Variants in COL25A1 observed in about 807,000 individuals in gnomAD.
COL25A1 encodes collagen type XXV alpha 1 chain, also known as collagen alpha-1(XXV) chain.
COL25A1 carries 103 observed loss-of-function variants against 128.4 expected under a neutral mutation model. The ratio of observed to expected loss-of-function variants is 0.80; its 90% CI spans 0.68 to 0.94. The LOEUF (loss-of-function observed/expected upper bound fraction) is 0.94. Ranked by LOEUF, COL25A1 falls within the 40% of genes least tolerant of loss-of-function variation. The pLI is 0.00. For synonymous variants in COL25A1, 279 were observed against 277.2 expected, an observed-to-expected ratio of 1.01 and a Z score of -0.06; for missense variants, 745 against 840.0, an observed-to-expected ratio of 0.89 and a Z score of 1.40.
chr4:108,965,809 G>A (rs534332405), intron 8 of COL25A1, among the ~76,000 whole-genome samples: 1 of 152,260 alleles, frequency 6.6e-6, no homozygotes, highest in South Asian at 2.1e-4. Context: ...TACTGATAAA[G>A]AAATGAAGTT....
At chr4:108,942,529 C>T (rs1356129422) in intron 8 of COL25A1, among the ~76,000 whole-genome samples, 4 of 151,966 alleles carry the variant, frequency 2.6e-5, no homozygotes, top group Admixed American at 2.6e-4. Context: ...CTGCAACCTC[C>T]ACCTCCCAGG....
intron 15 of COL25A1, among the ~76,000 whole-genome samples, 164 bp from the exon 16 acceptor site, chr4:108,896,875 A>G (rs529828651): frequency 6.6e-6 from 1 of 152,350 alleles, no homozygotes; most frequent in Admixed American, 6.5e-5. Flanking sequence ...TCTGATATCA[A>G]TAAAAGAAAT....
At position 109,048,176 on chromosome 4, in the gene COL25A1, C is replaced by G. The variant is rs761587066; in HGVS notation, c.413-1G>C. The G allele has an allele frequency of 1.9e-6, 3 of 1,612,184 alleles. No homozygotes were observed. Among genetic ancestry groups the G allele is most frequent in the Non-Finnish European group, 2.5e-6 (3 of 1,178,704 alleles). On this transcript the variant is annotated splice_acceptor_variant, in intron 4 of 37. Coordinates refer to ENST00000399132, the MANE Select transcript of COL25A1 (RefSeq NM_198721.4). LOFTEE classifies it high-confidence loss of function. ...GCAGCAAACATACTTACAGGAGGACCTATGGGGGGAGCAGGTGGAGAGAGA... is the reference window on the plus strand; with the variant it reads ...GCAGCAAACATACTTACAGGAGGACGTATGGGGGGAGCAGGTGGAGAGAGA...
chr4:109,193,782 G>T (rs1271709198), intron 3 of COL25A1, among the ~76,000 whole-genome samples: 6 of 152,024 alleles, frequency 3.9e-5, no homozygotes, highest in African/African-American at 1.5e-4. Flanking sequence ...ACACAACATT[G>T]CCAAAAATCA....
chr4:109,029,599 ATG>A lies in COL25A1; in HGVS notation c.420+18567_420+18568del, dbSNP rs567757941. Among the ~76,000 whole-genome samples, 12 of 152,260 alleles carry A rather than the reference ATG, an allele frequency of 7.9e-5. No homozygotes were observed. In the South Asian group the frequency reaches 2.5e-3, roughly 32 times the overall value. On this transcript the variant is annotated intron_variant, in intron 5 of 37. Transcript: ENST00000399132. The stretch of plus-strand genomic sequence containing the variant: ...TATAAGTTAGACTTTATATAGGTGT[ATG>A]TGTGTGGTATATGTGTATACATATT...
At chr4:108,896,811 T>A in intron 15 of COL25A1, 100 bp from the exon 16 acceptor site, 1 of 994,970 alleles carries the variant, frequency 1.0e-6, no homozygotes, top group Non-Finnish European at 1.6e-6. Flanking sequence ...CACTACATAT[T>A]AAAATCTGTT....
chr4:108,988,588 G>A (rs1021346533), intron 6 of COL25A1, among the ~76,000 whole-genome samples: 5 of 152,144 alleles, frequency 3.3e-5, no homozygotes, highest in South Asian at 2.1e-4. Flanking sequence ...CTCAAACACA[G>A]GCATACATTT....
chr4:109,167,900 T>C (rs1773228669), intron 3 of COL25A1, among the ~76,000 whole-genome samples: 1 of 152,166 alleles, frequency 6.6e-6, no homozygotes, highest in African/African-American at 2.4e-5. Context: ...GGCCAATTAA[T>C]GATTTCATGG....
intron 3 of COL25A1, among the ~76,000 whole-genome samples, chr4:109,263,352 A>T (rs892906609): frequency 6.6e-6 from 1 of 152,170 alleles, no homozygotes; most frequent in Non-Finnish European, 1.5e-5. Context: ...TGGCATACTC[A>T]AAAAGCTTCA....
At chr4:109,018,415 G>A (rs1757407104) in intron 5 of COL25A1, among the ~76,000 whole-genome samples, 1 of 152,034 alleles carries the variant, frequency 6.6e-6, no homozygotes, top group Non-Finnish European at 1.5e-5. Flanking sequence ...GTAGAGATGG[G>A]GTTTCACCAT....
chr4:109,157,554 T>C (rs1035704482), intron 3 of COL25A1, among the ~76,000 whole-genome samples: 4 of 152,286 alleles, frequency 2.6e-5, no homozygotes, highest in East Asian at 3.9e-4. Flanking sequence ...AAAAGAAACA[T>C]GGTAATCATC....
intron 6 of COL25A1, among the ~76,000 whole-genome samples, chr4:108,978,212 C>CA (rs1342037844): frequency 3.9e-5 from 6 of 152,214 alleles, no homozygotes; most frequent in African/African-American, 7.2e-5. Flanking sequence ...CTGGCACCTG[C>CA]CAGCTTAGGA....
chr4:109,168,880 A>G (rs1257978713), intron 3 of COL25A1, among the ~76,000 whole-genome samples: 1 of 152,188 alleles, frequency 6.6e-6, no homozygotes, highest in Non-Finnish European at 1.5e-5. Flanking sequence ...TGGAACATCC[A>G]TATTTGCCAT....
At chr4:109,047,502 T>C (rs1315910994) in intron 5 of COL25A1, among the ~76,000 whole-genome samples, 1 of 151,914 alleles carries the variant, frequency 6.6e-6, no homozygotes, top group Non-Finnish European at 1.5e-5. Flanking sequence ...GGGTGAGGGA[T>C]AAACGACCAC....
At chr4:109,279,503 G>A (rs1244368015) in intron 3 of COL25A1, among the ~76,000 whole-genome samples, 1 of 152,080 alleles carries the variant, frequency 6.6e-6, no homozygotes, top group African/African-American at 2.4e-5. Flanking sequence ...TTGGGTCCAG[G>A]ATTTTGAAGC....
chr4:109,243,871 C>T (rs541160437), intron 3 of COL25A1, among the ~76,000 whole-genome samples: 66 of 152,122 alleles, frequency 4.3e-4, no homozygotes, highest in African/African-American at 1.4e-3. Flanking sequence ...CCTTCTATAC[C>T]TATAAAATCT....
At chr4:109,168,449 T>A (rs1773279175) in intron 3 of COL25A1, among the ~76,000 whole-genome samples, 3 of 152,206 alleles carry the variant, frequency 2.0e-5, no homozygotes, top group South Asian at 2.1e-4. Flanking sequence ...TTATGATTCT[T>A]CCTTTGACTT....
At chr4:109,035,303 G>T (rs1759234309) in intron 5 of COL25A1, among the ~76,000 whole-genome samples, 1 of 152,102 alleles carries the variant, frequency 6.6e-6, no homozygotes, top group African/African-American at 2.4e-5. Context: ...ATTGCCCATG[G>T]AGTCTAATTT....
intron 3 of COL25A1, among the ~76,000 whole-genome samples, chr4:109,095,205 T>C (rs1765284513): frequency 6.6e-6 from 1 of 152,220 alleles, no homozygotes; most frequent in Non-Finnish European, 1.5e-5. Context: ...TCAATGAAAG[T>C]AAATTGACAT....
Sources: allele counts gnomAD v4.1 joint callset (sites outside exome capture counted in the v4.1 genomes callset), GRCh38; gene constraint gnomAD v4.1.1; transcripts MANE v1.5; gene names NCBI Gene and HGNC (gene_info 2026-07-23, HGNC 2026-07-21).